The following CACNB1 variants were observed in gnomAD, a reference collection of about 807,000 sequenced individuals.
The protein encoded by CACNB1 is voltage-dependent L-type calcium channel subunit beta-1.
In CACNB1, 29 loss-of-function variants were observed where a neutral mutation model predicts 71.6. That is an observed-to-expected ratio of 0.40 (90% CI 0.30 to 0.55). The LOEUF (loss-of-function observed/expected upper bound fraction) is 0.55, where lower values mean the gene tolerates loss of function less well. Among genes scored for constraint, CACNB1 ranks in the 20% least tolerant of loss-of-function variants. CACNB1 has a pLI of 0.38. For synonymous variants in CACNB1, 300 were observed against 319.6 expected (o/e 0.94, Z 0.65); for missense variants, 623 against 801.8 (o/e 0.78, Z 2.69).
Position 39,197,597 on chromosome 17 carries a change from C to A in CACNB1, c.-102G>T. 2 of 846,192 alleles carry A rather than the reference C, an allele frequency of 2.4e-6. No individual in the cohort carries two copies. Among genetic ancestry groups the A allele is most frequent in the Non-Finnish European group, 3.6e-6 (2 of 561,410 alleles). 52.4% of individuals were successfully genotyped at this position (846,192 alleles called of 1,614,324 possible). On this transcript the variant is annotated 5_prime_UTR_variant, in exon 1 of 14. Coordinates refer to ENST00000394303, the MANE Select transcript of CACNB1 (RefSeq NM_000723.5). ...GAAAGCAGCGCGGCGCAGCCAGCAC[C>A]CGGTCCAGCCACCCAGCTCGGCCTT...
At position 39,177,282 on chromosome 17, in the gene CACNB1, C is replaced by A. The variant is rs765307057; in HGVS notation, c.1332+68G>T. ...TTCCTGCTCCTGGGGCACCACACTG[C>A]CCCGCTGTGAGGACTCCAGCCCGCC... On this transcript the variant is annotated intron_variant, in intron 13 of 13. Transcript: ENST00000394303. 10 of 1,608,934 alleles carry A rather than the reference C, an allele frequency of 6.2e-6. No homozygotes were observed. In the South Asian group the frequency reaches 8.9e-5, roughly 14 times the overall value.
At chr17:39,188,847 A>G (rs1268768327) in intron 3 of CACNB1, among the ~76,000 whole-genome samples, 2 of 152,030 alleles carry the variant, frequency 1.3e-5, no homozygotes, top group Admixed American at 6.5e-5. Context: ...GTTCGAGACC[A>G]GCCATGACTA....
In CACNB1 at chr17:39,186,716, A is replaced by T. The variant is rs2045949950; in HGVS notation, c.551+77T>A. ...CTCTGTGCCCTCAGGGCCAGGGACA[A>T]CCATTGAGGCCTAGTCCAGGCTGTA... On this transcript the variant is annotated intron_variant, in intron 5 of 13. Transcript: ENST00000394303. The surrounding 1 kb of genome is among the most constrained non-coding windows in gnomAD (Gnocchi z 4.1). 26 of 1,581,136 alleles carry T rather than the reference A, an allele frequency of 1.6e-5. No homozygotes were observed. In the South Asian group the frequency reaches 2.8e-4, roughly 17 times the overall value.
intron 11 of CACNB1, chr17:39,182,917 C>G: frequency 1.0e-6 from 1 of 971,474 alleles, no homozygotes; most frequent in Non-Finnish European, 1.2e-6. Flanking sequence ...ATACGTAAAC[C>G]AATCAGAGCT....
At chr17:39,190,282 G>A (rs1158620698) in intron 3 of CACNB1, among the ~76,000 whole-genome samples, 1 of 152,100 alleles carries the variant, frequency 6.6e-6, no homozygotes, top group Non-Finnish European at 1.5e-5. Context: ...TCAGCCAGGT[G>A]TGGTGGTATG....
At chr17:39,183,000 C>G (rs2045816487) in intron 11 of CACNB1, 1 of 972,252 alleles carries the variant, frequency 1.0e-6, no homozygotes, top group Non-Finnish European at 1.2e-6. Context: ...TTCTCAGATC[C>G]CCACTGGCAT....
At chr17:39,189,804 G>T (rs1447824880) in intron 3 of CACNB1, among the ~76,000 whole-genome samples, 1 of 151,486 alleles carries the variant, frequency 6.6e-6, no homozygotes, top group African/African-American at 2.4e-5. Flanking sequence ...AGCCAGCCCT[G>T]TCGGTTTTTA....
intron 6 of CACNB1, 44 bp from the exon 7 acceptor site, chr17:39,185,194 G>C: frequency 1.3e-6 from 2 of 1,532,710 alleles, no homozygotes; most frequent in Non-Finnish European, 1.8e-6. Context: ...GAGGAGAGAG[G>C]GAAGGGGACC....
chr17:39,188,276 C>T lies in CACNB1; in HGVS notation c.292-675G>A, dbSNP rs889138062. ...CCAGCCTGGATGACGGAGCAAGACT[C>T]TGTCTAAAAAAAAAAAAGTCTGGGC... On this transcript the variant is annotated intron_variant, in intron 3 of 13. Coordinates refer to ENST00000394303, the MANE Select transcript of CACNB1 (RefSeq NM_000723.5). 3.7e-4 allele frequency among the ~76,000 whole-genome samples: 56 copies of T among 151,280 alleles called. 1 individual carries two copies. Among genetic ancestry groups the T allele is most frequent in the Admixed American group, 2.2e-3 (33 of 15,196 alleles).
chr17:39,177,140 G>A lies in CACNB1; in HGVS notation c.1332+210C>T, dbSNP rs1476555948. 12 of 1,427,994 alleles carry A rather than the reference G, an allele frequency of 8.4e-6. No homozygotes were observed. The Admixed American group carries it at 2.0e-4, about 24-fold the overall frequency. 88.5% of individuals were successfully genotyped at this position (1,427,994 alleles called of 1,614,324 possible). ...AAAACCACAGACACCAGAAGCTGCC[G>A]CTCATCTTATTTTTTTACAAAATAA... On this transcript the variant is annotated intron_variant, in intron 13 of 13. Transcript: ENST00000394303.
At position 39,175,875 on chromosome 17, in the gene CACNB1, C is replaced by T. The variant is rs1428756043; in HGVS notation, c.1333-218G>A. 2.6e-5 allele frequency among the ~76,000 whole-genome samples: 4 copies of T among 152,140 alleles called. No homozygotes were observed. Among genetic ancestry groups the T allele is most frequent in the Admixed American group, 6.5e-5 (1 of 15,276 alleles). ...TCTCTCGGGACAGGGGGCACCCGAC[C>T]TTCAACAGATGTGAGGACATATGAA... On this transcript the variant is annotated intron_variant, in intron 13 of 13. Coordinates refer to ENST00000394303, the MANE Select transcript of CACNB1 (RefSeq NM_000723.5). This position sits in a 1 kb window ranked among gnomAD's most constrained non-coding sequence, Gnocchi z 4.7.
intron 13 of CACNB1, among the ~76,000 whole-genome samples, chr17:39,176,949 A>C (rs1223531884): frequency 6.6e-6 from 1 of 152,162 alleles, no homozygotes; most frequent in Non-Finnish European, 1.5e-5. Context: ...GTTGGGTCTA[A>C]AAAGGGTGTG....
chr17:39,195,022 A>G (rs1348873109), intron 1 of CACNB1, 52 bp from the exon 2 acceptor site: 3 of 1,293,110 alleles, frequency 2.3e-6, no homozygotes, highest in Admixed American at 3.7e-5. Flanking sequence ...CCCTTTCCCA[A>G]CCCTCATCTT....
chr17:39,177,916 G>A (rs552327250), intron 12 of CACNB1, 68 bp downstream of exon 12: 582 of 1,265,118 alleles, frequency 4.6e-4, no homozygotes, highest in Non-Finnish European at 6.4e-4. Flanking sequence ...CTCTCATGTA[G>A]GCCAGAGGAA....
intron 6 of CACNB1, chr17:39,185,833 G>T: frequency 9.0e-7 from 1 of 1,110,638 alleles, no homozygotes; most frequent in Non-Finnish European, 1.3e-6. Flanking sequence ...TCAGCAGGAA[G>T]CCCTGATGCC....
At chr17:39,181,249 A>G (rs1335042701) in intron 11 of CACNB1, among the ~76,000 whole-genome samples, 1 of 152,058 alleles carries the variant, frequency 6.6e-6, no homozygotes, top group Non-Finnish European at 1.5e-5. Context: ...GCCCACCACC[A>G]TGCGCAGCTA....
chr17:39,191,367 AG>A, intron 3 of CACNB1, 106 bp downstream of exon 3: 1 of 1,112,232 alleles, frequency 9.0e-7, no homozygotes, highest in Non-Finnish European at 1.3e-6. Context: ...CAGGGGTACT[AG>A]GAAGTGGCTG....
chr17:39,191,203 C>A (rs565569268), intron 3 of CACNB1, among the ~76,000 whole-genome samples: 44 of 151,426 alleles, frequency 2.9e-4, no homozygotes, highest in Non-Finnish European at 5.8e-4. Context: ...GACTGCAACT[C>A]AAAAAACAAA....
At chr17:39,191,652 G>C in intron 2 of CACNB1, 59 bp from the exon 3 acceptor site, 1 of 1,571,162 alleles carries the variant, frequency 6.4e-7, no homozygotes, top group Non-Finnish European at 8.6e-7. Context: ...CCTGGGCCTG[G>C]GAAGGCATGG....
Sources: gnomAD v4.1 joint callset for allele counts (sites outside exome capture counted in the v4.1 genomes callset) on GRCh38, gnomAD v4.1.1 for gene constraint, Gnocchi (gnomAD v3.1) non-coding constraint, MANE v1.5 for transcripts, NCBI Gene and HGNC (gene_info 2026-07-23, HGNC 2026-07-21) for gene names.